SORCS2: variants seen among roughly 807,000 people sequenced by gnomAD.
The protein encoded by SORCS2 is VPS10 domain-containing receptor SorCS2.
A neutral mutation model predicts 141.6 loss-of-function variants in SORCS2; 100 were observed. That is an observed-to-expected ratio of 0.71 (90% CI 0.60 to 0.83). The LOEUF is 0.83. Ranked by LOEUF, SORCS2 falls within the 40% of genes least tolerant of loss-of-function variation. The pLI, the probability that SORCS2 is intolerant of heterozygous loss-of-function variation, is 0.00. For synonymous variants in SORCS2, 789 were observed against 676.9 expected, an observed-to-expected ratio of 1.17 and a Z score of -2.57; for missense variants, 1,646 against 1,560.2, an observed-to-expected ratio of 1.05 and a Z score of -0.93.
intron 2 of SORCS2, among the ~76,000 whole-genome samples, chr4:7,495,844 C>T (rs1731583039): frequency 6.6e-6 from 1 of 152,240 alleles, no homozygotes; most frequent in Admixed American, 6.5e-5. Flanking sequence ...CCAGGGGCCG[C>T]AGCCCCCACC....
chr4:7,738,641 C>T (rs573206301), intron 26 of SORCS2, among the ~76,000 whole-genome samples: 9 of 152,300 alleles, frequency 5.9e-5, no homozygotes, highest in Admixed American at 2.0e-4. Context: ...CTGCCACTGC[C>T]GTTCTGATGA....
intron 2 of SORCS2, among the ~76,000 whole-genome samples, chr4:7,479,398 A>G (rs1322967568): frequency 6.6e-6 from 1 of 152,152 alleles, no homozygotes; most frequent in Admixed American, 6.5e-5. Flanking sequence ...TAAAGCCCCC[A>G]GATAAACAAA....
intron 2 of SORCS2, among the ~76,000 whole-genome samples, chr4:7,417,756 A>G (rs1047974672): frequency 2.0e-5 from 3 of 152,266 alleles, no homozygotes; most frequent in South Asian, 2.1e-4. Context: ...TCCTATCTGC[A>G]GAAGATGCAG....
intron 3 of SORCS2, among the ~76,000 whole-genome samples, chr4:7,550,494 C>T (rs961786749): frequency 3.9e-5 from 6 of 152,206 alleles, no homozygotes; most frequent in African/African-American, 1.2e-4. Context: ...AACGCAGGCT[C>T]ACAGCCGCAG....
intron 2 of SORCS2, among the ~76,000 whole-genome samples, chr4:7,486,540 G>A (rs1426521179): frequency 6.6e-6 from 1 of 152,228 alleles, no homozygotes; most frequent in Non-Finnish European, 1.5e-5. Context: ...CCCCAGCTGA[G>A]AGCGCTGATA....
At chr4:7,404,087 T>A (rs1042467384) in intron 2 of SORCS2, among the ~76,000 whole-genome samples, 4 of 151,224 alleles carry the variant, frequency 2.6e-5, no homozygotes, top group Non-Finnish European at 4.4e-5. Flanking sequence ...GGGTTCTACG[T>A]TCTGTTCCAT....
chr4:7,383,694 TTC>T (rs1005254797), intron 1 of SORCS2, among the ~76,000 whole-genome samples: 6 of 152,140 alleles, frequency 3.9e-5, no homozygotes, highest in Non-Finnish European at 8.8e-5. Context: ...ATGCCAACCC[TTC>T]CAGGTAGAAG....
At chr4:7,485,679 G>C (rs780710397) in intron 2 of SORCS2, among the ~76,000 whole-genome samples, 5 of 152,266 alleles carry the variant, frequency 3.3e-5, no homozygotes, top group Non-Finnish European at 7.3e-5. Flanking sequence ...CCCAGCAGAG[G>C]GTGGGAGCTG....
intron 1 of SORCS2, among the ~76,000 whole-genome samples, chr4:7,369,306 G>C (rs1402417089): frequency 6.6e-6 from 1 of 152,172 alleles, no homozygotes; most frequent in African/African-American, 2.4e-5. Flanking sequence ...GCCAGACTCT[G>C]TCTGAAAACC....
intron 3 of SORCS2, among the ~76,000 whole-genome samples, chr4:7,625,116 G>A (rs983478749): frequency 2.0e-5 from 3 of 152,186 alleles, no homozygotes; most frequent in Non-Finnish European, 4.4e-5. Context: ...ATTTACAAAT[G>A]TTCTCAAGGA....
At chr4:7,394,017 G>A (rs1724039292) in intron 1 of SORCS2, among the ~76,000 whole-genome samples, 1 of 151,856 alleles carries the variant, frequency 6.6e-6, no homozygotes, top group Admixed American at 6.6e-5. Context: ...CTCCAGCACT[G>A]GCCCTTCCTG....
intron 14 of SORCS2, among the ~76,000 whole-genome samples, chr4:7,710,465 A>T (rs1280905873): frequency 1.3e-5 from 2 of 152,140 alleles, no homozygotes; most frequent in African/African-American, 4.8e-5. Flanking sequence ...GCCACAGGAG[A>T]GTGTGAGGAT....
At chr4:7,646,089 C>G (rs375172196) in intron 4 of SORCS2, among the ~76,000 whole-genome samples, 1 of 152,268 alleles carries the variant, frequency 6.6e-6, no homozygotes, top group Non-Finnish European at 1.5e-5. Context: ...TCCGGGCTAC[C>G]GCTGGTGCCG....
Position 7,667,306 on chromosome 4 carries a change from G to A in SORCS2, c.1161+93G>A. On this transcript the variant is annotated intron_variant, in intron 8 of 26. Transcript: ENST00000507866. ...CAGGACTCACACACAGGTGCTTGGC[G>A]GTCCCAGGTCAGGATGGACAAGAAC... 8 of 1,173,282 alleles carry A rather than the reference G, an allele frequency of 6.8e-6. 1 individual carries two copies. Among genetic ancestry groups the A allele is most frequent in the South Asian group, 3.9e-5 (3 of 76,404 alleles). 72.7% of individuals were successfully genotyped at this position (1,173,282 alleles called of 1,614,324 possible).
At chr4:7,486,398 G>A (rs1730987862) in intron 2 of SORCS2, among the ~76,000 whole-genome samples, 1 of 152,358 alleles carries the variant, frequency 6.6e-6, no homozygotes, top group African/African-American at 2.4e-5. Flanking sequence ...ACACGGGGCA[G>A]GATGCGGCCT....
At position 7,536,841 on chromosome 4, in the gene SORCS2, G is replaced by C. The variant is rs1360175288; in HGVS notation, c.648+5212G>C. 1.7e-4 allele frequency among the ~76,000 whole-genome samples: 8 copies of C among 47,010 alleles called. 1 individual carries two copies. The highest frequency in any genetic ancestry group is 3.3e-4 in the Admixed American group (1 of 3,040). The allele number at this position is 47,010 out of a possible 152,430, so 30.8% of individuals were successfully genotyped here. On this transcript the variant is annotated intron_variant, in intron 3 of 26. Coordinates refer to ENST00000507866, the MANE Select transcript of SORCS2 (RefSeq NM_020777.3). ...TCCCCATACTCAGATGTGGGGGGGGGGGGCGGGCAGGGCCCACCTCGAGGT... is the reference window on the plus strand; with the variant it reads ...TCCCCATACTCAGATGTGGGGGGGGCGGGCGGGCAGGGCCCACCTCGAGGT...
chr4:7,697,144 G>C (rs1390673713), intron 11 of SORCS2, 54 bp from the exon 12 acceptor site: 61 of 1,463,390 alleles, frequency 4.2e-5, no homozygotes, highest in Non-Finnish European at 5.6e-5. Flanking sequence ...ACTTGTTAAA[G>C]GGGTAAAGCT....
intron 3 of SORCS2, among the ~76,000 whole-genome samples, chr4:7,604,124 A>C (rs1717909369): frequency 6.6e-6 from 1 of 152,080 alleles, no homozygotes; most frequent in African/African-American, 2.4e-5. Flanking sequence ...AACAAGGCAG[A>C]GATGGGCAGG....
chr4:7,398,167 T>G (rs1338871357), intron 2 of SORCS2, among the ~76,000 whole-genome samples: 1 of 150,276 alleles, frequency 6.7e-6, no homozygotes, highest in Admixed American at 6.6e-5. Context: ...GCGGTGGGGG[T>G]GGGGTGGGAC....
Sources: gnomAD v4.1 joint callset for allele counts (sites outside exome capture counted in the v4.1 genomes callset) on GRCh38, gnomAD v4.1.1 for gene constraint, MANE v1.5 for transcripts, NCBI Gene and HGNC (gene_info 2026-07-23, HGNC 2026-07-21) for gene names.